LYRM7: variants seen among roughly 807,000 people sequenced by gnomAD.
LYRM7 encodes the protein complex III assembly factor LYRM7.
In LYRM7, 9 loss-of-function variants were observed where a neutral mutation model predicts 15.8. The ratio of observed to expected loss-of-function variants is 0.57; its 90% CI spans 0.34 to 0.99. The LOEUF is 0.99. Among genes scored for constraint, LYRM7 ranks in the 50% least tolerant of loss-of-function variants. LYRM7 has a pLI of 0.02. For missense variants in LYRM7, 115 were observed against 119.1 expected (o/e 0.97, Z 0.16); for synonymous variants, 39 against 39.4 (o/e 0.99, Z 0.04).
At position 131,199,685 on chromosome 5, in the gene LYRM7, T is replaced by C; in HGVS notation, c.*84T>C. Reference sequence around the variant, plus strand: ...AAAAGTCCTGGAAATGCAGACATTTTCCCTGAACTGGCATATTGAAAATGA... The same window carrying C: ...AAAAGTCCTGGAAATGCAGACATTTCCCCTGAACTGGCATATTGAAAATGA... On this transcript the variant is annotated 3_prime_UTR_variant, in exon 5 of 5. Transcript: ENST00000379380. 2.3e-6 allele frequency: 2 copies of C among 864,598 alleles called. No homozygotes were observed. Among genetic ancestry groups the C allele is most frequent in the Non-Finnish European group, 3.6e-6 (2 of 558,680 alleles). The allele number at this position is 864,598 out of a possible 1,614,324, so 53.6% of individuals were successfully genotyped here.
In LYRM7 at chr5:131,179,252, G is replaced by C. The variant is rs934481384; in HGVS notation, c.19-843G>C. 2.0e-4 allele frequency among the ~76,000 whole-genome samples: 30 copies of C among 151,846 alleles called. 1 individual carries two copies. Among genetic ancestry groups the C allele is most frequent in the Admixed American group, 2.0e-3 (30 of 15,248 alleles). On this transcript the variant is annotated intron_variant, in intron 1 of 4. Transcript: ENST00000379380. Reference sequence around the variant, plus strand: ...ACTTTGTATTATTTTTGTAAATAAGGCTAAAAATGTTTTTAATGTAGAGAT... The same window carrying C: ...ACTTTGTATTATTTTTGTAAATAAGCCTAAAAATGTTTTTAATGTAGAGAT...
chr5:131,199,097 C>T (rs2149666838), intron 4 of LYRM7, among the ~76,000 whole-genome samples: 1 of 152,286 alleles, frequency 6.6e-6, no homozygotes, highest in Admixed American at 6.5e-5. Context: ...GATATGACCA[C>T]ACAAAACACC....
At chr5:131,172,571 G>A (rs7712818) in intron 1 of LYRM7, among the ~76,000 whole-genome samples, 27,523 of 152,036 alleles carry the variant, frequency 0.18, 6,325 homozygotes, top group African/African-American at 0.54. Context: ...GGATACAAAT[G>A]GAATTAAGTA....
At chr5:131,191,212 C>T (rs966152606) in intron 4 of LYRM7, among the ~76,000 whole-genome samples, 132 of 151,224 alleles carry the variant, frequency 8.7e-4, no homozygotes, top group African/African-American at 3.1e-3. Flanking sequence ...TGTATAGGTC[C>T]AAAATGTAAG....
intron 4 of LYRM7, among the ~76,000 whole-genome samples, chr5:131,189,595 A>C (rs1755853859): frequency 6.6e-6 from 1 of 152,020 alleles, no homozygotes. Flanking sequence ...ATCCAGCAAC[A>C]CTTATTGAAA....
rs6884643 is a variant in LYRM7, at chr5:131,175,260, C to T, written c.18+4222C>T. On this transcript the variant is annotated intron_variant, in intron 1 of 4. Coordinates refer to ENST00000379380, the MANE Select transcript of LYRM7 (RefSeq NM_181705.4). ...TGTTGGCCAGGGCAGAGTGCAGTGG[C>T]GCAATCTCGGCTCACCACAACCCCT... Among the ~76,000 whole-genome samples the T allele has an allele frequency of 3.3e-3, 478 of 144,048 alleles. 5 individuals carry two copies. The highest frequency in any genetic ancestry group is 0.012 in the African/African-American group (444 of 37,162). The allele number at this position is 144,048 out of a possible 152,430, so 94.5% of individuals were successfully genotyped here. A position where few individuals can be genotyped will look rare whatever the true frequency, so the allele number is the denominator to read the frequency against.
At chr5:131,193,942 G>A (rs1485433731) in intron 4 of LYRM7, among the ~76,000 whole-genome samples, 2 of 152,094 alleles carry the variant, frequency 1.3e-5, no homozygotes, top group Non-Finnish European at 2.9e-5. Flanking sequence ...CCGGGAGGCG[G>A]AGGTTGCAGT....
chr5:131,199,657 G>A lies in LYRM7; in HGVS notation c.*56G>A. Reference sequence around the variant, plus strand: ...TTTTAACTTTAAAATCTACAACTCTGGCAAAAGTCCTGGAAATGCAGACAT... The same window carrying A: ...TTTTAACTTTAAAATCTACAACTCTAGCAAAAGTCCTGGAAATGCAGACAT... On this transcript the variant is annotated 3_prime_UTR_variant, in exon 5 of 5. Coordinates refer to ENST00000379380, the MANE Select transcript of LYRM7 (RefSeq NM_181705.4). 2 of 1,263,414 alleles carry A rather than the reference G, an allele frequency of 1.6e-6. No individual in the cohort carries two copies. The highest frequency in any genetic ancestry group is 1.5e-5 in the South Asian group (1 of 68,700). 78.3% of individuals were successfully genotyped at this position (1,263,414 alleles called of 1,614,324 possible). A position where few individuals can be genotyped will look rare whatever the true frequency, so the allele number is the denominator to read the frequency against.
intron 3 of LYRM7, among the ~76,000 whole-genome samples, chr5:131,184,486 C>G (rs893411621): frequency 6.6e-6 from 1 of 152,148 alleles, no homozygotes; most frequent in Non-Finnish European, 1.5e-5. Flanking sequence ...GGATTACAGG[C>G]ATAAGCCACG....
intron 4 of LYRM7, among the ~76,000 whole-genome samples, chr5:131,187,727 C>G (rs994523718): frequency 6.6e-6 from 1 of 152,010 alleles, no homozygotes; most frequent in South Asian, 2.1e-4. Flanking sequence ...CTCAGGTGAT[C>G]CACCTGCTTC....
intron 3 of LYRM7, among the ~76,000 whole-genome samples, chr5:131,184,732 A>C (rs1755769000): frequency 1.3e-5 from 2 of 150,864 alleles, no homozygotes; most frequent in Admixed American, 6.6e-5. Flanking sequence ...CCTTGTTTCC[A>C]GCCTTATATC....
chr5:131,193,872 G>A (rs186677922), intron 4 of LYRM7, among the ~76,000 whole-genome samples: 11 of 152,244 alleles, frequency 7.2e-5, no homozygotes, highest in Middle Eastern at 3.4e-3. Context: ...AGCCGGGCAT[G>A]GTGGCACATG....
chr5:131,187,006 A>C lies in LYRM7; in HGVS notation c.163-22A>C, dbSNP rs1007251933. On this transcript the variant is annotated intron_variant, in intron 3 of 4. Transcript: ENST00000379380. ...ATGAAACACCTAAAGGACTTACTCT[A>C]TTTGTTTGGTTTTCTTAACAGCTAA... 12 of 1,348,062 alleles carry C rather than the reference A, an allele frequency of 8.9e-6. No homozygotes were observed. In the African/African-American group the frequency reaches 1.0e-4, roughly 11 times the overall value. The allele number at this position is 1,348,062 out of a possible 1,614,324, so 83.5% of individuals were successfully genotyped here.
chr5:131,171,108 G>C, intron 1 of LYRM7, 70 bp downstream of exon 1: 1 of 1,422,468 alleles, frequency 7.0e-7, no homozygotes, highest in Non-Finnish European at 9.2e-7. Flanking sequence ...TGAGAAAACT[G>C]TCTGGAGTCT....
intron 4 of LYRM7, among the ~76,000 whole-genome samples, chr5:131,191,573 A>T (rs1755886600): frequency 6.6e-6 from 1 of 152,002 alleles, no homozygotes; most frequent in Non-Finnish European, 1.5e-5. Context: ...CTCATTTTTA[A>T]TTTTTTTTAA....
At chr5:131,190,318 C>T (rs944901068) in intron 4 of LYRM7, among the ~76,000 whole-genome samples, 1 of 151,954 alleles carries the variant, frequency 6.6e-6, no homozygotes, top group Non-Finnish European at 1.5e-5. Flanking sequence ...GCCTCAGCCT[C>T]CTGGGTAGCT....
Position 131,201,550 on chromosome 5 carries a change from CT to C in LYRM7, c.*1950del, listed in dbSNP as rs1250332217. 6.6e-6 allele frequency: 1 copy of C among 151,782 alleles called. No homozygotes were observed. Among genetic ancestry groups the C allele is most frequent in the Non-Finnish European group, 1.5e-5 (1 of 68,036 alleles). 9.4% of individuals were successfully genotyped at this position (151,782 alleles called of 1,614,324 possible). A position where few individuals can be genotyped will look rare whatever the true frequency, so the allele number is the denominator to read the frequency against. ...TGACCAACATGGGGAAACCCTGTCT[CT>C]ACTAAAAAAAATACAGAATTAGCCA... On this transcript the variant is annotated 3_prime_UTR_variant, in exon 5 of 5. Transcript: ENST00000379380.
At chr5:131,179,985 G>C in intron 1 of LYRM7, 110 bp from the exon 2 acceptor site, 2 of 711,860 alleles carry the variant, frequency 2.8e-6, no homozygotes, top group Non-Finnish European at 4.8e-6. Flanking sequence ...ATATCGCCCA[G>C]GGTCTCGAAC....
intron 1 of LYRM7, among the ~76,000 whole-genome samples, chr5:131,175,608 C>T (rs1035536363): frequency 1.1e-4 from 17 of 151,954 alleles, no homozygotes; most frequent in African/African-American, 3.9e-4. Flanking sequence ...CATCTTGGCT[C>T]GCCGCAACCT....
Sources: gnomAD v4.1 joint callset for allele counts (sites outside exome capture counted in the v4.1 genomes callset) on GRCh38, gnomAD v4.1.1 for gene constraint, MANE v1.5 for transcripts, NCBI Gene and HGNC (gene_info 2026-07-23, HGNC 2026-07-21) for gene names.